The following DTNA variants were observed in gnomAD, a reference collection of about 807,000 sequenced individuals.
DTNA encodes dystrobrevin alpha.
DTNA carries 43 observed loss-of-function variants against 100.7 expected under a neutral mutation model. The ratio of observed to expected loss-of-function variants is 0.43; its 90% CI spans 0.33 to 0.55. The LOEUF (loss-of-function observed/expected upper bound fraction) is 0.55. Ranked by LOEUF, DTNA falls within the 20% of genes least tolerant of loss-of-function variation. The pLI is 0.04. For synonymous variants in DTNA, 349 were observed against 347.9 expected (o/e 1.00, Z -0.04); for missense variants, 798 against 953.9 (o/e 0.84, Z 2.15).
chr18:34,815,281 C>A (rs1164499879), intron 6 of DTNA, among the ~76,000 whole-genome samples: 1 of 151,984 alleles, frequency 6.6e-6, no homozygotes, highest in Non-Finnish European at 1.5e-5. Flanking sequence ...CTTATAGATA[C>A]AATGCATTCC....
chr18:34,879,806 GT>G (rs985441758), intron 20 of DTNA, 87 bp downstream of exon 20: 4 of 1,539,694 alleles, frequency 2.6e-6, no homozygotes, highest in East Asian at 4.7e-5. Flanking sequence ...ATTGTTTAGG[GT>G]TTTTTTAACC....
At chr18:34,860,702 G>A (rs1253443061) in intron 16 of DTNA, among the ~76,000 whole-genome samples, 1 of 152,084 alleles carries the variant, frequency 6.6e-6, no homozygotes, top group African/African-American at 2.4e-5. Flanking sequence ...CTTTCTCAAC[G>A]ATCATGTTTC....
At chr18:34,605,116 CAA>C (rs71266904) in intron 1 of DTNA, among the ~76,000 whole-genome samples, 3 of 135,500 alleles carry the variant, frequency 2.2e-5, no homozygotes. Context: ...AGAAAACCAG[CAA>C]AAAAAAAAAA....
chr18:34,768,942 A>T (rs1172505948), intron 3 of DTNA, among the ~76,000 whole-genome samples: 1 of 152,192 alleles, frequency 6.6e-6, no homozygotes, highest in African/African-American at 2.4e-5. Flanking sequence ...CAGTGCCCTG[A>T]GTTGTTGGGG....
chr18:34,605,643 A>G (rs1342281028), intron 1 of DTNA, among the ~76,000 whole-genome samples: 1 of 151,364 alleles, frequency 6.6e-6, no homozygotes, highest in African/African-American at 2.4e-5. Flanking sequence ...GCACACACAC[A>G]CACACACACA....
Position 34,668,365 on chromosome 18 carries a change from T to C in DTNA, c.-1-87611T>C, listed in dbSNP as rs181894410. Among the ~76,000 whole-genome samples, 44 of 152,348 alleles carry C rather than the reference T, an allele frequency of 2.9e-4. No homozygotes were observed. In the East Asian group the frequency reaches 8.5e-3, roughly 29 times the overall value. On this transcript the variant is annotated intron_variant, in intron 1 of 19. Coordinates refer to the DTNA transcript ENST00000283365. The stretch of plus-strand genomic sequence containing the variant: ...CGGTCTATCAATTTTGTTGATCTTT[T>C]CAAAAAACCAGATCCTGGATTCGTT...
intron 1 of DTNA, among the ~76,000 whole-genome samples, chr18:34,678,618 T>C (rs1369045907): frequency 6.6e-6 from 1 of 152,060 alleles, no homozygotes; most frequent in Non-Finnish European, 1.5e-5. Context: ...AGCCTGTGTG[T>C]TCACAGGGAG....
chr18:34,642,355 G>A (rs2059365902), intron 1 of DTNA, among the ~76,000 whole-genome samples: 1 of 152,120 alleles, frequency 6.6e-6, no homozygotes, highest in Admixed American at 6.5e-5. Flanking sequence ...TTTAGAAGGA[G>A]CCCACTGATT....
At chr18:34,700,448 C>G (rs899766892) in intron 1 of DTNA, among the ~76,000 whole-genome samples, 5 of 152,156 alleles carry the variant, frequency 3.3e-5, no homozygotes, top group Admixed American at 3.3e-4. Context: ...TTCTTTCTCA[C>G]TATCAGACTC....
intron 1 of DTNA, among the ~76,000 whole-genome samples, chr18:34,544,524 T>G (rs2044569733): frequency 6.6e-6 from 1 of 152,130 alleles, no homozygotes; most frequent in African/African-American, 2.4e-5. Flanking sequence ...TCAATGGAAT[T>G]TTCCATATAA....
intron 1 of DTNA, among the ~76,000 whole-genome samples, chr18:34,568,566 A>C (rs2047290631): frequency 6.6e-6 from 1 of 152,078 alleles, no homozygotes; most frequent in Non-Finnish European, 1.5e-5. Context: ...AAAAGTCTCA[A>C]TTTATTATTA....
At chr18:34,583,143 G>A (rs1453146998) in intron 1 of DTNA, among the ~76,000 whole-genome samples, 4 of 152,190 alleles carry the variant, frequency 2.6e-5, no homozygotes, top group Non-Finnish European at 5.9e-5. Flanking sequence ...ACAGATAAAT[G>A]ATGGAAGTCT....
chr18:34,739,928 G>A (rs527903723), intron 1 of DTNA, among the ~76,000 whole-genome samples: 30 of 152,204 alleles, frequency 2.0e-4, no homozygotes, highest in East Asian at 3.9e-4. Flanking sequence ...TTGCCCTGAC[G>A]TGTTATGCAG....
chr18:34,540,670 A>G (rs1407889134), intron 1 of DTNA, among the ~76,000 whole-genome samples: 2 of 152,076 alleles, frequency 1.3e-5, no homozygotes, highest in African/African-American at 4.8e-5. Flanking sequence ...TAAAGAACAT[A>G]TGGCCCAAGG....
At chr18:34,544,799 G>C (rs564911449) in intron 1 of DTNA, among the ~76,000 whole-genome samples, 2 of 151,876 alleles carry the variant, frequency 1.3e-5, no homozygotes, top group South Asian at 4.2e-4. Flanking sequence ...AAGAGTGCTG[G>C]TTTCTCGGTG....
chr18:34,840,655 G>C (rs952834006), intron 13 of DTNA, among the ~76,000 whole-genome samples: 1 of 152,082 alleles, frequency 6.6e-6, no homozygotes, highest in African/African-American at 2.4e-5. Context: ...CCATAAATCT[G>C]TCTCAGCAGA....
chr18:34,543,008 T>C lies in DTNA; in HGVS notation c.-2+49494T>C, dbSNP rs551599220. ...TAGAGAACCTGAACTAGCTGACCTCTGAGCCTTTACAAATGTGATATTCTG... is the reference window on the plus strand; with the variant it reads ...TAGAGAACCTGAACTAGCTGACCTCCGAGCCTTTACAAATGTGATATTCTG... On this transcript the variant is annotated intron_variant, in intron 1 of 19. Transcript: ENST00000283365. 1.4e-4 allele frequency among the ~76,000 whole-genome samples: 21 copies of C among 152,232 alleles called. No homozygotes were observed. The South Asian group carries it at 4.3e-3, about 32-fold the overall frequency.
chr18:34,834,635 G>C (rs2096094734), intron 11 of DTNA, among the ~76,000 whole-genome samples: 1 of 152,162 alleles, frequency 6.6e-6, no homozygotes, highest in Non-Finnish European at 1.5e-5. Flanking sequence ...GCTGGTTTGT[G>C]CCAAGATCAC....
intron 1 of DTNA, among the ~76,000 whole-genome samples, chr18:34,500,704 T>C (rs1254539528): frequency 1.3e-5 from 2 of 151,930 alleles, no homozygotes; most frequent in Non-Finnish European, 2.9e-5. Flanking sequence ...CCTCAGGTGA[T>C]CCACCTGTAT....
Sources: gnomAD v4.1 joint callset for allele counts (sites outside exome capture counted in the v4.1 genomes callset) on GRCh38, gnomAD v4.1.1 for gene constraint, MANE v1.5 for transcripts, NCBI Gene and HGNC (gene_info 2026-07-23, HGNC 2026-07-21) for gene names.